The following STXBP5L variants were observed in gnomAD, a reference collection of about 807,000 sequenced individuals.
STXBP5L encodes syntaxin-binding protein 5-like.
Under a neutral mutation model 144.5 loss-of-function variants are expected in STXBP5L, and 65 were observed. That is an observed-to-expected ratio of 0.45 (90% CI 0.37 to 0.55). The LOEUF (loss-of-function observed/expected upper bound fraction) is 0.55. Among genes scored for constraint, STXBP5L ranks in the 20% least tolerant of loss-of-function variants. The probability of loss-of-function intolerance (pLI) is 0.00; values close to 1 mark genes in which losing one functional copy is unlikely to be tolerated. For synonymous variants in STXBP5L, 505 were observed against 469.6 expected (o/e 1.08, Z -0.97); for missense variants, 1,298 against 1,405.5 (o/e 0.92, Z 1.22).
At position 120,909,646 on chromosome 3, in the gene STXBP5L, G is replaced by A. The variant is rs1294362711; in HGVS notation, c.68G>A (p.Ser23Asn). 1 of 1,613,834 alleles carries A rather than the reference G, an allele frequency of 6.2e-7. No homozygotes were observed. Among genetic ancestry groups the A allele is most frequent in the Non-Finnish European group, 8.5e-7 (1 of 1,179,920 alleles). Reference protein sequence around the residue: ...LTASSPGSGSSSGSNSGGGAG... With the variant: ...LTASSPGSGSNSGSNSGGGAG... ...GCCTCCTCCCCTGGCAGTGGTAGCAGCAGTGGCAGTAACAGTGGTGGTGGG... is the reference window on the plus strand; with the variant it reads ...GCCTCCTCCCCTGGCAGTGGTAGCAACAGTGGCAGTAACAGTGGTGGTGGG... Residue 23 changes from serine to asparagine, a missense_variant, in exon 2 of 27, where the codon AGC (serine) becomes AAC (asparagine). By Grantham distance (46) the Ser-to-Asn change is conservative (BLOSUM62 1). Transcript: ENST00000471454.
At chr3:121,204,624 CAA>C (rs1458136535) in intron 9 of STXBP5L, among the ~76,000 whole-genome samples, 3 of 151,644 alleles carry the variant, frequency 2.0e-5, no homozygotes, top group Non-Finnish European at 4.4e-5. Flanking sequence ...AATAGATAAA[CAA>C]TGTATTACAT....
At chr3:121,092,400 T>G (rs2042859564) in intron 5 of STXBP5L, among the ~76,000 whole-genome samples, 2 of 152,186 alleles carry the variant, frequency 1.3e-5, no homozygotes, top group African/African-American at 4.8e-5. Context: ...TTCCTACCCA[T>G]GAGCATGGAA....
chr3:121,068,850 C>T (rs76188008), intron 5 of STXBP5L, among the ~76,000 whole-genome samples: 2,933 of 152,096 alleles, frequency 0.019, 88 homozygotes, highest in African/African-American at 0.066. Context: ...TTTACTGCAG[C>T]TTTGTTAGAA....
chr3:121,229,275 T>G (rs1157854363), intron 11 of STXBP5L, among the ~76,000 whole-genome samples: 4 of 152,310 alleles, frequency 2.6e-5, no homozygotes, highest in Middle Eastern at 3.4e-3. Context: ...TACAGTTCCT[T>G]TCTATCTTGT....
chr3:121,354,878 G>A (rs1045042825), intron 20 of STXBP5L, among the ~76,000 whole-genome samples: 1 of 152,116 alleles, frequency 6.6e-6, no homozygotes, highest in African/African-American at 2.4e-5. Flanking sequence ...CTCTTGTAAG[G>A]CAGGCTTGGT....
chr3:121,086,496 A>C (rs190850460), intron 5 of STXBP5L, among the ~76,000 whole-genome samples: 17 of 152,220 alleles, frequency 1.1e-4, no homozygotes, highest in Admixed American at 1.0e-3. Context: ...GTTTACCATT[A>C]TGTAACAATT....
At chr3:121,402,622 C>T (rs1458819981) in intron 22 of STXBP5L, among the ~76,000 whole-genome samples, 2 of 152,316 alleles carry the variant, frequency 1.3e-5, no homozygotes, top group African/African-American at 4.8e-5. Context: ...TATCCTATTT[C>T]TAGACCCATG....
intron 19 of STXBP5L, among the ~76,000 whole-genome samples, chr3:121,303,407 G>T (rs2052010298): frequency 6.6e-6 from 1 of 152,148 alleles, no homozygotes; most frequent in Admixed American, 6.5e-5. Flanking sequence ...TGGAGAAATA[G>T]GAATACTTTT....
chr3:121,378,863 T>C lies in STXBP5L; in HGVS notation c.2324T>C (p.Ile775Thr), dbSNP rs1192731441. 12 of 1,613,466 alleles carry C rather than the reference T, an allele frequency of 7.4e-6. No homozygotes were observed. The highest frequency in any genetic ancestry group is 1.0e-5 in the Non-Finnish European group (12 of 1,179,712). The part of the protein sequence containing the change: ...RKAQSAACME[I>T]SLPVTTEENR... Reference sequence around the variant, plus strand: ...GCCCAGTCAGCAGCCTGCATGGAGATTTCTTTACCAGTTACAACAGAAGGT... The same window carrying C: ...GCCCAGTCAGCAGCCTGCATGGAGACTTCTTTACCAGTTACAACAGAAGGT... The change falls in exon 21 of 27, where the codon ATT becomes ACT. Residue 775 changes from isoleucine to threonine, a missense_variant. Ile to Thr is a moderately conservative substitution (Grantham distance 89, BLOSUM62 -1). Transcript: ENST00000471454.
In STXBP5L at chr3:121,012,317, G is replaced by C. The variant is rs535145510; in HGVS notation, c.288-29383G>C. Among the ~76,000 whole-genome samples, 3 of 151,730 alleles carry C rather than the reference G, an allele frequency of 2.0e-5. No homozygotes were observed. In the East Asian group the frequency reaches 5.8e-4, roughly 29 times the overall value. Reference sequence around the variant, plus strand: ...GTGTGCATATGTTTTCATTTGTCTTGGGCATGTATTCAGGAAGGGAATTGC... The same window carrying C: ...GTGTGCATATGTTTTCATTTGTCTTCGGCATGTATTCAGGAAGGGAATTGC... On this transcript the variant is annotated intron_variant, in intron 3 of 26. Transcript: ENST00000471454.
intron 2 of STXBP5L, among the ~76,000 whole-genome samples, chr3:120,935,428 G>GT (rs76683163): frequency 6.6e-6 from 1 of 150,992 alleles, no homozygotes; most frequent in African/African-American, 2.4e-5. Context: ...AATTTAAAAA[G>GT]TTTTTTTTAC....
intron 5 of STXBP5L, among the ~76,000 whole-genome samples, chr3:121,086,833 A>C (rs1218175799): frequency 6.6e-6 from 1 of 152,066 alleles, no homozygotes; most frequent in Non-Finnish European, 1.5e-5. Flanking sequence ...AAGGTGTACT[A>C]TCTAGGTTAG....
chr3:121,000,544 G>A (rs540220114), intron 3 of STXBP5L, among the ~76,000 whole-genome samples: 36 of 152,176 alleles, frequency 2.4e-4, no homozygotes, highest in African/African-American at 8.4e-4. Flanking sequence ...CTTTTGTATT[G>A]AATTTCAACT....
In STXBP5L at chr3:121,244,226, A is replaced by T. The variant is rs974212972; in HGVS notation, c.1400+3719A>T. On this transcript the variant is annotated intron_variant, in intron 14 of 26. Coordinates refer to ENST00000471454, the MANE Select transcript of STXBP5L (RefSeq NM_001308330.2). ...AATATCAACAGAGTTTGAAATTATT[A>T]AAAAAAAACAATTCTAGATCTGAAG... Among the ~76,000 whole-genome samples the T allele has an allele frequency of 8.1e-5, 12 of 148,878 alleles. No homozygotes were observed. The South Asian group carries it at 1.3e-3, about 16-fold the overall frequency.
At chr3:121,176,171 G>A (rs1484626934) in intron 9 of STXBP5L, among the ~76,000 whole-genome samples, 2 of 151,894 alleles carry the variant, frequency 1.3e-5, no homozygotes, top group African/African-American at 4.8e-5. Context: ...GCATGATATT[G>A]GTAGCCTGAA....
chr3:121,401,162 G>A (rs1278828177), intron 22 of STXBP5L, among the ~76,000 whole-genome samples: 1 of 152,136 alleles, frequency 6.6e-6, no homozygotes, highest in East Asian at 1.9e-4. Flanking sequence ...TTCACAGGCA[G>A]TATATGCATT....
intron 5 of STXBP5L, among the ~76,000 whole-genome samples, chr3:121,051,764 C>T (rs920610406): frequency 6.6e-6 from 1 of 151,632 alleles, no homozygotes; most frequent in Non-Finnish European, 1.5e-5. Context: ...AATAGAGACA[C>T]AAAAAAACCC....
At chr3:121,006,454 G>C (rs1028674698) in intron 3 of STXBP5L, among the ~76,000 whole-genome samples, 4 of 152,018 alleles carry the variant, frequency 2.6e-5, no homozygotes, top group Admixed American at 2.0e-4. Context: ...GTCCCTGCAC[G>C]TGAGATGGGT....
rs543490829 is a variant in STXBP5L at position 121,335,587 on chromosome 3, T to G, written c.2176+17047T>G. Reference sequence around the variant, plus strand: ...TACAGTAACCAAAATAGCATGGGACTGGTACAAAAACAGACACATAGACCA... The same window carrying G: ...TACAGTAACCAAAATAGCATGGGACGGGTACAAAAACAGACACATAGACCA... On this transcript the variant is annotated intron_variant, in intron 20 of 26. Transcript: ENST00000471454. Among the ~76,000 whole-genome samples, 8 of 152,224 alleles carry G rather than the reference T, an allele frequency of 5.3e-5. No homozygotes were observed. The South Asian group carries it at 1.0e-3, about 20-fold the overall frequency.
Sources: gnomAD v4.1 joint callset for allele counts (sites outside exome capture counted in the v4.1 genomes callset) on GRCh38, gnomAD v4.1.1 for gene constraint, MANE v1.5 for transcripts, NCBI Gene and HGNC (gene_info 2026-07-23, HGNC 2026-07-21) for gene names.